NCKAP1: variants seen among roughly 807,000 people sequenced by gnomAD.
The protein encoded by NCKAP1 is NCK associated protein 1.
A neutral mutation model predicts 151.2 loss-of-function variants in NCKAP1; 21 were observed. The ratio of observed to expected loss-of-function variants is 0.14; its 90% CI spans 0.10 to 0.20. The LOEUF (loss-of-function observed/expected upper bound fraction) is 0.20. Ranked by LOEUF, NCKAP1 falls within the 10% of genes least tolerant of loss-of-function variation. NCKAP1 has a pLI of 1.00. For missense variants in NCKAP1, 933 were observed against 1,352.1 expected, an observed-to-expected ratio of 0.69 and a Z score of 4.86; for synonymous variants, 484 against 451.8, an observed-to-expected ratio of 1.07 and a Z score of -0.90.
chr2:182,932,485 G>A (rs1275034146), intron 26 of NCKAP1, among the ~76,000 whole-genome samples: 1 of 152,022 alleles, frequency 6.6e-6, no homozygotes, highest in Non-Finnish European at 1.5e-5. Context: ...GACTGCTAAT[G>A]GGTACAAGGC....
chr2:183,034,948 G>C (rs936877272), intron 1 of NCKAP1, among the ~76,000 whole-genome samples: 4 of 152,104 alleles, frequency 2.6e-5, no homozygotes, highest in Non-Finnish European at 5.9e-5. Flanking sequence ...CTCAGTGACA[G>C]AATGAAGATT....
At chr2:183,026,042 C>T (rs994067147) in intron 1 of NCKAP1, among the ~76,000 whole-genome samples, 17 of 152,192 alleles carry the variant, frequency 1.1e-4, no homozygotes, top group African/African-American at 3.4e-4. Flanking sequence ...TAAACAACTT[C>T]GTTGGTTGAT....
chr2:182,962,037 G>GT, intron 18 of NCKAP1, 122 bp downstream of exon 18: 1 of 1,006,434 alleles, frequency 9.9e-7, no homozygotes, highest in Non-Finnish European at 1.5e-6. Flanking sequence ...CACAGCAGAG[G>GT]TTTGAGGTTT....
chr2:183,002,294 A>G (rs1018825876), intron 4 of NCKAP1, 25 bp from the exon 5 acceptor site: 8 of 1,423,316 alleles, frequency 5.6e-6, no homozygotes, highest in Non-Finnish European at 7.7e-6. Flanking sequence ...AATCAAGTTC[A>G]ACTACTTCCT....
At chr2:182,965,473 G>A (rs956720308) in intron 16 of NCKAP1, among the ~76,000 whole-genome samples, 1 of 151,936 alleles carries the variant, frequency 6.6e-6, no homozygotes, top group Non-Finnish European at 1.5e-5. Context: ...GCGGGTGTGA[G>A]CCATGGCACC....
At position 182,922,171 on chromosome 2, in the gene NCKAP1, AG is replaced by A. The variant is rs1696560229; in HGVS notation, c.*3530del. On this transcript the variant is annotated 3_prime_UTR_variant, in exon 31 of 31. Transcript: ENST00000361354. ...TTAGGAATAATACAGGTGAAGTCTC[AG>A]AAAGGCAAGTCCTTATAACAGAATG... is the stretch of plus-strand genomic sequence containing the variant. The A allele has an allele frequency of 6.6e-6, 1 of 152,242 alleles. No homozygotes were observed. Among genetic ancestry groups the A allele is most frequent in the Non-Finnish European group, 1.5e-5 (1 of 68,032 alleles). 9.4% of individuals were successfully genotyped at this position (152,242 alleles called of 1,614,324 possible).
chr2:182,959,092 T>C (rs1030430277), intron 18 of NCKAP1, among the ~76,000 whole-genome samples: 2 of 152,316 alleles, frequency 1.3e-5, no homozygotes, highest in South Asian at 2.1e-4. Flanking sequence ...AGTATCTCCA[T>C]TGGACAGAGC....
At chr2:183,024,273 C>T (rs974933878) in intron 1 of NCKAP1, among the ~76,000 whole-genome samples, 9 of 152,246 alleles carry the variant, frequency 5.9e-5, no homozygotes, top group African/African-American at 1.9e-4. Context: ...CAGTAGAGTA[C>T]TAGACATGTT....
chr2:183,007,609 G>T (rs1203514312), intron 2 of NCKAP1, among the ~76,000 whole-genome samples: 2 of 152,028 alleles, frequency 1.3e-5, no homozygotes, highest in Non-Finnish European at 2.9e-5. Context: ...TATTGAAACT[G>T]CTTATTCATA....
rs1696537485 is a variant in NCKAP1, at chr2:182,920,664, G to C, written c.*5038C>G. 6.6e-6 allele frequency: 1 copy of C among 152,120 alleles called. No homozygotes were observed. The highest frequency in any genetic ancestry group is 1.5e-5 in the Non-Finnish European group (1 of 68,110). The allele number at this position is 152,120 out of a possible 1,614,324, so 9.4% of individuals were successfully genotyped here. ...TTGCTTTGTCCTCACGTGGTGGTTG[G>C]GGCAAGTCGGCTGTCTGGGGCCCCT... On this transcript the variant is annotated 3_prime_UTR_variant, in exon 31 of 31. Transcript: ENST00000361354.
intron 4 of NCKAP1, 117 bp downstream of exon 4, chr2:183,002,857 T>C: frequency 1.5e-6 from 1 of 668,258 alleles, no homozygotes; most frequent in Admixed American, 3.0e-5. Flanking sequence ...ACAAGCCAAA[T>C]TAATAATGCT....
At position 182,910,142 on chromosome 2, in the gene NCKAP1, C is replaced by T. The variant is rs1226512487; in HGVS notation, c.*15560G>A. On this transcript the variant is annotated 3_prime_UTR_variant, in exon 31 of 31. Transcript: ENST00000361354. Reference sequence around the variant, plus strand: ...GTTCAGACTCTACTATCTTGGAGGACTGCAGGTGCCCTGGTAGCCAAAAGG... The same window carrying T: ...GTTCAGACTCTACTATCTTGGAGGATTGCAGGTGCCCTGGTAGCCAAAAGG... 6.6e-6 allele frequency: 1 copy of T among 152,216 alleles called. No homozygotes were observed. The highest frequency in any genetic ancestry group is 6.5e-5 in the Admixed American group (1 of 15,274). The allele number at this position is 152,216 out of a possible 1,614,324, so 9.4% of individuals were successfully genotyped here.
At chr2:182,978,419 C>G (rs1033025353) in intron 14 of NCKAP1, among the ~76,000 whole-genome samples, 1 of 152,070 alleles carries the variant, frequency 6.6e-6, no homozygotes, top group African/African-American at 2.4e-5. Flanking sequence ...AACCCTCAAA[C>G]CCAGAGTTTC....
intron 2 of NCKAP1, among the ~76,000 whole-genome samples, chr2:183,015,207 A>G (rs1340757791): frequency 6.6e-6 from 1 of 152,216 alleles, no homozygotes; most frequent in Non-Finnish European, 1.5e-5. Context: ...AATTATATAA[A>G]AAGGATAAGA....
intron 9 of NCKAP1, among the ~76,000 whole-genome samples, chr2:182,987,119 G>A (rs1339979022): frequency 1.3e-5 from 2 of 152,138 alleles, no homozygotes; most frequent in Admixed American, 6.5e-5. Context: ...GCGGGCACCT[G>A]TAATCCTAAC....
intron 2 of NCKAP1, among the ~76,000 whole-genome samples, chr2:183,009,475 G>GAAGGAATC (rs1485338665): frequency 1.0e-5 from 1 of 100,226 alleles, no homozygotes; most frequent in African/African-American, 4.1e-5. Context: ...AGGAAGGAAG[G>GAAGGAATC]AAGCAAGCAA....
intron 1 of NCKAP1, among the ~76,000 whole-genome samples, chr2:183,032,621 T>C (rs1387277819): frequency 1.3e-5 from 2 of 152,242 alleles, no homozygotes; most frequent in Non-Finnish European, 2.9e-5. Context: ...GACTACTGTG[T>C]ATAGGCAGTC....
In NCKAP1 at chr2:182,919,402, A is replaced by G. The variant is rs1696515013; in HGVS notation, c.*6300T>C. ...GATCTAACAGTTAAATGGTTAAATG[A>G]CTACCTACTTCAATGTGCTTTCTGG... On this transcript the variant is annotated 3_prime_UTR_variant, in exon 31 of 31. Transcript: ENST00000361354. 6.6e-6 allele frequency: 1 copy of G among 152,230 alleles called. No individual in the cohort carries two copies. The allele number at this position is 152,230 out of a possible 1,614,324, so 9.4% of individuals were successfully genotyped here. A position where few individuals can be genotyped will look rare whatever the true frequency, so the allele number is the denominator to read the frequency against.
chr2:182,995,939 A>G, intron 6 of NCKAP1, 101 bp from the exon 7 acceptor site: 1 of 1,017,176 alleles, frequency 9.8e-7, no homozygotes, highest in Non-Finnish European at 1.5e-6. Context: ...ACCATCATAA[A>G]ACAACACAGC....
Sources: gnomAD v4.1 joint callset for allele counts (sites outside exome capture counted in the v4.1 genomes callset) on GRCh38, gnomAD v4.1.1 for gene constraint, MANE v1.5 for transcripts, NCBI Gene and HGNC (gene_info 2026-07-23, HGNC 2026-07-21) for gene names.